The following ZC3H11A variants were observed in gnomAD, a reference collection of about 807,000 sequenced individuals.
The protein encoded by ZC3H11A is zinc finger CCCH-type containing 11A.
A neutral mutation model predicts 90.8 loss-of-function variants in ZC3H11A; 22 were observed. The observed-to-expected ratio is 0.24, with a 90% confidence interval of 0.17 to 0.35. ZC3H11A has a LOEUF of 0.35. Among genes scored for constraint, ZC3H11A ranks in the 10% least tolerant of loss-of-function variants. The pLI is 1.00. For synonymous variants in ZC3H11A, 294 were observed against 339.8 expected (o/e 0.87, Z 1.48); for missense variants, 701 against 964.9 (o/e 0.73, Z 3.62).
intron 1 of ZC3H11A, chr1:203,798,558 A>G (rs1669441858): frequency 4.6e-6 from 7 of 1,536,030 alleles, no homozygotes; most frequent in Non-Finnish European, 6.1e-6. Flanking sequence ...CTTGAGTGAT[A>G]CCTTGCATGG....
At chr1:203,831,555 A>G (rs1682381719) in intron 8 of ZC3H11A, 106 bp from the exon 9 acceptor site, 1 of 842,452 alleles carries the variant, frequency 1.2e-6, no homozygotes, top group African/African-American at 1.7e-5. Flanking sequence ...TATAGTCATA[A>G]TATCAGTCTG....
intron 14 of ZC3H11A, 21 bp downstream of exon 14, chr1:203,848,428 T>C: frequency 6.3e-7 from 1 of 1,589,558 alleles, no homozygotes; most frequent in Non-Finnish European, 8.6e-7. Flanking sequence ...GATTATTGTA[T>C]GGTTTTGTTC....
At chr1:203,817,250 G>T in intron 3 of ZC3H11A, 126 bp downstream of exon 3, 1 of 676,058 alleles carries the variant, frequency 1.5e-6, no homozygotes, top group African/African-American at 1.9e-5. Context: ...ATTATTGGCT[G>T]TCAGTTTTTT....
intron 2 of ZC3H11A, among the ~76,000 whole-genome samples, chr1:203,813,753 T>C (rs1483307026): frequency 6.6e-6 from 1 of 152,106 alleles, no homozygotes. Flanking sequence ...TTGTTGGCAA[T>C]CCTTGGCATT....
At chr1:203,810,785 G>T (rs1674203915) in intron 2 of ZC3H11A, among the ~76,000 whole-genome samples, 1 of 151,974 alleles carries the variant, frequency 6.6e-6, no homozygotes. Context: ...ATCTACTCAG[G>T]ATTCCATTTC....
intron 12 of ZC3H11A, among the ~76,000 whole-genome samples, chr1:203,841,620 C>T (rs1473315161): frequency 5.3e-5 from 8 of 151,836 alleles, no homozygotes; most frequent in Admixed American, 2.6e-4. Flanking sequence ...GTTTTCTATT[C>T]GACAAAACCG....
Position 203,840,387 on chromosome 1 carries a change from T to C in ZC3H11A, c.1042+13T>C. Reference sequence around the variant, plus strand: ...GAGGATGCAACAGGTAAGTAAATCCTAAGACCAGATTCTGATTATTTTTTT... The same window carrying C: ...GAGGATGCAACAGGTAAGTAAATCCCAAGACCAGATTCTGATTATTTTTTT... On this transcript the variant is annotated intron_variant, in intron 12 of 17. Transcript: ENST00000367210. 1 of 1,609,722 alleles carries C rather than the reference T, an allele frequency of 6.2e-7. No individual in the cohort carries two copies. The highest frequency in any genetic ancestry group is 8.5e-7 in the Non-Finnish European group (1 of 1,177,784).
chr1:203,811,143 C>CAA (rs535589700), intron 2 of ZC3H11A, among the ~76,000 whole-genome samples: 5 of 73,580 alleles, frequency 6.8e-5, no homozygotes, highest in Non-Finnish European at 1.2e-4. Flanking sequence ...AACTCTGTCA[C>CAA]AAAAAAAAAA....
At chr1:203,796,260 G>C (rs1668461821) in intron 1 of ZC3H11A, 2 of 395,756 alleles carry the variant, frequency 5.1e-6, no homozygotes, top group Non-Finnish European at 8.9e-6. Flanking sequence ...TGAGTGCCGG[G>C]CGCTGAATTT....
At chr1:203,815,379 CTTTTT>C (rs397711285) in intron 2 of ZC3H11A, among the ~76,000 whole-genome samples, 21 of 96,916 alleles carry the variant, frequency 2.2e-4, no homozygotes, top group Non-Finnish European at 2.9e-4. Flanking sequence ...CCACACCCAG[CTTTTT>C]TTTTTTTTTT....
At chr1:203,831,541 G>A in intron 8 of ZC3H11A, 120 bp from the exon 9 acceptor site, 1 of 756,598 alleles carries the variant, frequency 1.3e-6, no homozygotes, top group Non-Finnish European at 2.2e-6. Flanking sequence ...AAGGCTGATT[G>A]GCTTATAGTC....
rs767681882 is a variant in ZC3H11A at position 203,805,867 on chromosome 1, A to G, written c.-146+2851A>G. ...TTCATTTGCATCTTCCATCATGTCC[A>G]CTAGCTGGTCTTGTAAATTCTCAAT... On this transcript the variant is annotated intron_variant, in intron 2 of 17. Coordinates refer to ENST00000367210, the MANE Select transcript of ZC3H11A (RefSeq NM_001376342.1). 11 of 860,566 alleles carry G rather than the reference A, an allele frequency of 1.3e-5. No individual in the cohort carries two copies. The Admixed American group carries it at 1.8e-4, about 14-fold the overall frequency. 53.3% of individuals were successfully genotyped at this position (860,566 alleles called of 1,614,324 possible).
chr1:203,798,749 C>T (rs1669536682), intron 1 of ZC3H11A: 3 of 1,536,154 alleles, frequency 2.0e-6, no homozygotes, highest in African/African-American at 1.4e-5. Context: ...TCTCAAGTCA[C>T]ATAAGTCAGG....
At chr1:203,820,803 C>T (rs1056949162) in intron 4 of ZC3H11A, among the ~76,000 whole-genome samples, 3 of 152,028 alleles carry the variant, frequency 2.0e-5, no homozygotes, top group Non-Finnish European at 4.4e-5. Context: ...CATATCATCC[C>T]GTGGCACACA....
chr1:203,811,111 A>G lies in ZC3H11A; in HGVS notation c.-145-5815A>G, dbSNP rs114691898. On this transcript the variant is annotated intron_variant, in intron 2 of 17. Coordinates refer to ENST00000367210, the MANE Select transcript of ZC3H11A (RefSeq NM_001376342.1). ...AGCCGAGATTGCGCCACTGCACTCC[A>G]GCAGCCTGGGTAGAAGAGTGAAACT... 4.1e-3 allele frequency among the ~76,000 whole-genome samples: 624 copies of G among 151,088 alleles called. 5 individuals carry two copies. The highest frequency in any genetic ancestry group is 0.015 in the African/African-American group (604 of 41,056).
chr1:203,799,683 C>A, intron 1 of ZC3H11A: 1 of 709,774 alleles, frequency 1.4e-6, no homozygotes, highest in Admixed American at 2.0e-5. Flanking sequence ...TCATCTACTC[C>A]TTTCCCTGCA....
chr1:203,798,715 AAAC>A (rs1359440607), intron 1 of ZC3H11A: 34 of 1,536,140 alleles, frequency 2.2e-5, no homozygotes, highest in African/African-American at 4.1e-5. Context: ...CAGGAGAGAG[AAAC>A]AACATGTTGT....
chr1:203,835,413 T>G (rs1572228440), intron 10 of ZC3H11A, among the ~76,000 whole-genome samples: 2 of 152,300 alleles, frequency 1.3e-5, no homozygotes, highest in African/African-American at 4.8e-5. Flanking sequence ...ATACAGTCAT[T>G]TACGAAAAAA....
In ZC3H11A at chr1:203,819,824, G is replaced by A. The variant is rs188514659; in HGVS notation, c.174+1135G>A. Among the ~76,000 whole-genome samples the A allele has an allele frequency of 5.4e-4, 81 of 151,296 alleles. No individual in the cohort carries two copies. The East Asian group carries it at 6.3e-3, about 12-fold the overall frequency. On this transcript the variant is annotated intron_variant, in intron 4 of 17. Transcript: ENST00000367210. Reference sequence around the variant, plus strand: ...GCTGGGATTACAGGCATGAGCCACCGCGCCCAGCCGACTCCAGCAATTTTT... The same window carrying A: ...GCTGGGATTACAGGCATGAGCCACCACGCCCAGCCGACTCCAGCAATTTTT...
Sources: gnomAD v4.1 joint callset for allele counts (sites outside exome capture counted in the v4.1 genomes callset) on GRCh38, gnomAD v4.1.1 for gene constraint, MANE v1.5 for transcripts, NCBI Gene and HGNC (gene_info 2026-07-23, HGNC 2026-07-21) for gene names.